EPB41L4B: variants seen among roughly 807,000 people sequenced by gnomAD.
EPB41L4B encodes the protein band 4.1-like protein 4B.
EPB41L4B carries 30 observed loss-of-function variants against 112.5 expected under a neutral mutation model. That is an observed-to-expected ratio of 0.27 (90% CI 0.20 to 0.36). The LOEUF (loss-of-function observed/expected upper bound fraction) is 0.36. Among genes scored for constraint, EPB41L4B ranks in the 10% least tolerant of loss-of-function variants. The pLI is 1.00. For missense variants in EPB41L4B, 1,024 were observed against 1,133.3 expected (o/e 0.90, Z 1.38); for synonymous variants, 408 against 439.7 (o/e 0.93, Z 0.90).
intron 20 of EPB41L4B, among the ~76,000 whole-genome samples, chr9:109,199,584 G>T (rs555208343): frequency 1.1e-4 from 17 of 152,252 alleles, no homozygotes; most frequent in African/African-American, 3.6e-4. Flanking sequence ...CAGGGGAATT[G>T]CTTGAACCTG....
intron 1 of EPB41L4B, among the ~76,000 whole-genome samples, chr9:109,292,299 G>C (rs1836564696): frequency 6.6e-6 from 1 of 152,154 alleles, no homozygotes; most frequent in South Asian, 2.1e-4. Flanking sequence ...CACTTTTTCT[G>C]GTCACAATAC....
At chr9:109,257,176 T>A (rs1169230126) in intron 7 of EPB41L4B, among the ~76,000 whole-genome samples, 1 of 152,154 alleles carries the variant, frequency 6.6e-6, no homozygotes, top group Non-Finnish European at 1.5e-5. Context: ...TAATGCCACC[T>A]TCCACTAAAA....
intron 14 of EPB41L4B, among the ~76,000 whole-genome samples, chr9:109,244,299 G>A (rs1834460634): frequency 6.6e-6 from 1 of 151,816 alleles, no homozygotes; most frequent in Admixed American, 6.6e-5. Flanking sequence ...TAAAACAGGA[G>A]GGAGGGAGAG....
At chr9:109,239,009 G>T (rs1039029607) in intron 15 of EPB41L4B, among the ~76,000 whole-genome samples, 2 of 152,208 alleles carry the variant, frequency 1.3e-5, no homozygotes, top group African/African-American at 4.8e-5. Flanking sequence ...CATCCTCAGG[G>T]TAATGGCAAG....
chr9:109,255,832 G>C lies in EPB41L4B; in HGVS notation c.941C>G (p.Thr314Ser). The change falls in exon 10 of 26, where the codon ACC becomes AGC. Residue 314 changes from threonine (T) to serine (S), a missense_variant. Coordinates refer to ENST00000374566, the MANE Select transcript of EPB41L4B (RefSeq NM_019114.5). Reference sequence around the variant, plus strand: ...TTTGCTCTTTTTAAAATCCATTTTGGTAATTTTAGGCCTAGTCAGACAGAA... The same window carrying C: ...TTTGCTCTTTTTAAAATCCATTTTGCTAATTTTAGGCCTAGTCAGACAGAA... ...KIGLFFWPKI[T>S]KMDFKKSKLT... is the part of the protein sequence containing the mutation. 1.2e-6 allele frequency: 2 copies of C among 1,613,780 alleles called. No individual in the cohort carries two copies. Among genetic ancestry groups the C allele is most frequent in the Non-Finnish European group, 1.7e-6 (2 of 1,179,918 alleles).
chr9:109,300,699 T>G (rs573491172), intron 1 of EPB41L4B: 6 of 152,158 alleles, frequency 3.9e-5, no homozygotes, highest in African/African-American at 1.4e-4. Context: ...GGTAGGAGAA[T>G]CGCTTGAACC....
At chr9:109,175,596 TC>T (rs900558255) in intron 25 of EPB41L4B, among the ~76,000 whole-genome samples, 3 of 151,368 alleles carry the variant, frequency 2.0e-5, no homozygotes, top group African/African-American at 7.3e-5. Flanking sequence ...ACTCCTGAAC[TC>T]CTGGCCTCAA....
intron 20 of EPB41L4B, among the ~76,000 whole-genome samples, chr9:109,197,924 T>A (rs1832701095): frequency 6.6e-6 from 1 of 152,064 alleles, no homozygotes; most frequent in Non-Finnish European, 1.5e-5. Flanking sequence ...CATGATTACA[T>A]CTCTCAAATG....
intron 18 of EPB41L4B, among the ~76,000 whole-genome samples, chr9:109,205,836 G>A (rs1432416397): frequency 1.3e-5 from 2 of 152,202 alleles, no homozygotes; most frequent in African/African-American, 4.8e-5. Flanking sequence ...CTAAGGCTCA[G>A]AGAGGTTGAC....
intron 16 of EPB41L4B, among the ~76,000 whole-genome samples, chr9:109,216,313 G>T (rs1397616426): frequency 6.6e-6 from 1 of 152,052 alleles, no homozygotes; most frequent in East Asian, 1.9e-4. Flanking sequence ...ATTCATAAGA[G>T]TGGAACTCTC....
chr9:109,293,010 T>C (rs1405278193), intron 1 of EPB41L4B, among the ~76,000 whole-genome samples: 1 of 152,200 alleles, frequency 6.6e-6, no homozygotes, highest in African/African-American at 2.4e-5. Context: ...TGCAGCCATT[T>C]TGGACACTCC....
At chr9:109,208,471 T>C (rs1833055970) in intron 17 of EPB41L4B, among the ~76,000 whole-genome samples, 1 of 152,214 alleles carries the variant, frequency 6.6e-6, no homozygotes, top group African/African-American at 2.4e-5. Context: ...TCATTGGTAG[T>C]TTGACAACAA....
Position 109,251,501 on chromosome 9 carries a change from T to G in EPB41L4B, c.1290A>C (p.Pro430=), listed in dbSNP as rs542097870. Residue 430 remains proline (P), a synonymous_variant, in exon 13 of 26, where the codon CCA becomes CCC. Transcript: ENST00000374566. ...RRHSTFKASN[P]VIAAQLCSKT... ...CTCACCAGAGCTGGGCTGCTATCAC[T>G]GGGTTGCTTGCTATAAAGGAAAAAC... is the stretch of plus-strand genomic sequence containing the variant. The G allele has an allele frequency of 6.2e-7, 1 of 1,614,126 alleles. No individual in the cohort carries two copies. The highest frequency in any genetic ancestry group is 2.2e-5 in the East Asian group (1 of 44,888).
At chr9:109,239,541 TAGAAAACACC>T (rs1033110257) in intron 15 of EPB41L4B, among the ~76,000 whole-genome samples, 2 of 152,076 alleles carry the variant, frequency 1.3e-5, no homozygotes, top group Non-Finnish European at 2.9e-5. Flanking sequence ...GAAAGACCTT[TAGAAAACACC>T]AACAGGTAAT....
chr9:109,203,802 A>G, intron 18 of EPB41L4B, 72 bp from the exon 19 acceptor site: 1 of 1,247,636 alleles, frequency 8.0e-7, no homozygotes. Flanking sequence ...CAAGTCTCTT[A>G]CATTCAAAAG....
intron 16 of EPB41L4B, among the ~76,000 whole-genome samples, chr9:109,216,278 C>T (rs1470099705): frequency 5.3e-5 from 8 of 151,732 alleles, no homozygotes; most frequent in Admixed American, 5.3e-4. Flanking sequence ...TTTTTTCGTC[C>T]AGCTCTTTTG....
At chr9:109,224,700 G>A (rs1833701789) in intron 15 of EPB41L4B, among the ~76,000 whole-genome samples, 1 of 152,204 alleles carries the variant, frequency 6.6e-6, no homozygotes, top group Non-Finnish European at 1.5e-5. Flanking sequence ...TCTTAAAGCT[G>A]ATAAAAATAT....
chr9:109,183,363 C>T (rs550197906), intron 23 of EPB41L4B, among the ~76,000 whole-genome samples: 9 of 152,256 alleles, frequency 5.9e-5, no homozygotes, highest in African/African-American at 2.2e-4. Flanking sequence ...CTCAGGGAAA[C>T]CCGTGGAAGC....
intron 1 of EPB41L4B, among the ~76,000 whole-genome samples, chr9:109,289,609 G>C (rs1156946685): frequency 7.9e-5 from 12 of 152,204 alleles, no homozygotes; most frequent in Non-Finnish European, 1.5e-5. Flanking sequence ...ATTCTCTGTA[G>C]CTGGCCAGGA....
Sources: gnomAD v4.1 joint callset for allele counts (sites outside exome capture counted in the v4.1 genomes callset) on GRCh38, gnomAD v4.1.1 for gene constraint, MANE v1.5 for transcripts, NCBI Gene and HGNC (gene_info 2026-07-23, HGNC 2026-07-21) for gene names.